PPM1H: variants seen among roughly 807,000 people sequenced by gnomAD.
PPM1H encodes the protein protein phosphatase 1H.
Under a neutral mutation model 54.9 loss-of-function variants are expected in PPM1H, and 27 were observed. The observed-to-expected ratio is 0.49, with a 90% CI of 0.36 to 0.68. The LOEUF (loss-of-function observed/expected upper bound fraction) is 0.68. Among genes scored for constraint, PPM1H ranks in the 30% least tolerant of loss-of-function variants. The pLI is 0.00. For missense variants in PPM1H, 596 were observed against 667.8 expected (o/e 0.89, Z 1.19); for synonymous variants, 305 against 270.8 (o/e 1.13, Z -1.24).
chr12:62,765,333 T>C (rs2076535365), intron 4 of PPM1H, among the ~76,000 whole-genome samples: 1 of 152,094 alleles, frequency 6.6e-6, no homozygotes, highest in Non-Finnish European at 1.5e-5. Context: ...GTGCTGGGCA[T>C]AAGGAGAGTG....
chr12:62,862,590 A>T (rs1869640531), intron 1 of PPM1H, among the ~76,000 whole-genome samples: 1 of 152,228 alleles, frequency 6.6e-6, no homozygotes, highest in East Asian at 1.9e-4. Context: ...ATAAAAAGAA[A>T]TGTAAAAGAA....
At chr12:62,884,010 A>G (rs554916356) in intron 1 of PPM1H, among the ~76,000 whole-genome samples, 2 of 152,250 alleles carry the variant, frequency 1.3e-5, no homozygotes, top group East Asian at 1.9e-4. Flanking sequence ...GAACAAACAG[A>G]CAAAAGAGAT....
intron 8 of PPM1H, among the ~76,000 whole-genome samples, chr12:62,688,348 G>A (rs978821885): frequency 6.6e-6 from 1 of 151,956 alleles, no homozygotes; most frequent in South Asian, 2.1e-4. Context: ...CTGAACCAAC[G>A]CCAGCAGCCA....
At chr12:62,815,570 G>T (rs114027790) in intron 2 of PPM1H, among the ~76,000 whole-genome samples, 2,633 of 152,258 alleles carry the variant, frequency 0.017, 88 homozygotes, top group African/African-American at 0.06. Flanking sequence ...TAAGTACTGT[G>T]AAATAATACT....
intron 5 of PPM1H, among the ~76,000 whole-genome samples, chr12:62,723,498 T>C (rs1380874122): frequency 1.3e-5 from 2 of 152,166 alleles, no homozygotes; most frequent in Non-Finnish European, 2.9e-5. Context: ...GGGAGGTGTT[T>C]AGGCCATGAA....
chr12:62,797,828 G>A (rs2076744748), intron 3 of PPM1H, among the ~76,000 whole-genome samples: 1 of 152,154 alleles, frequency 6.6e-6, no homozygotes, highest in South Asian at 2.1e-4. Context: ...AATCTCTGAT[G>A]ACGCAAAGAA....
intron 2 of PPM1H, among the ~76,000 whole-genome samples, chr12:62,811,408 A>C (rs2076834662): frequency 6.6e-6 from 1 of 152,182 alleles, no homozygotes; most frequent in Non-Finnish European, 1.5e-5. Context: ...CAGGCTGCAC[A>C]TCTGAGCTCC....
chr12:62,926,308 G>T (rs1565831422), intron 1 of PPM1H, among the ~76,000 whole-genome samples: 1 of 151,998 alleles, frequency 6.6e-6, no homozygotes. Flanking sequence ...TAAGACAGTT[G>T]GTATCTAATC....
chr12:62,924,196 G>A (rs934081627), intron 1 of PPM1H, among the ~76,000 whole-genome samples: 2 of 152,062 alleles, frequency 1.3e-5, no homozygotes, highest in African/African-American at 2.4e-5. Flanking sequence ...TTTGTAAGAC[G>A]AAACTGAGGC....
chr12:62,786,547 A>G (rs2076672831), intron 4 of PPM1H, among the ~76,000 whole-genome samples: 1 of 152,174 alleles, frequency 6.6e-6, no homozygotes, highest in Non-Finnish European at 1.5e-5. Context: ...TCCTTCTAAC[A>G]GCTCCTGCCC....
intron 1 of PPM1H, 74 bp from the exon 2 acceptor site, chr12:62,832,353 C>A (rs1868379121): frequency 1.4e-6 from 2 of 1,420,352 alleles, no homozygotes; most frequent in Admixed American, 4.0e-5. Flanking sequence ...CAAGGGTCAG[C>A]CAAGACAGTC....
At chr12:62,864,273 A>C (rs1869700244) in intron 1 of PPM1H, among the ~76,000 whole-genome samples, 1 of 152,244 alleles carries the variant, frequency 6.6e-6, no homozygotes, top group Admixed American at 6.5e-5. Context: ...GCAAGTTTGC[A>C]GTAATAAAGT....
intron 8 of PPM1H, among the ~76,000 whole-genome samples, chr12:62,677,650 C>T (rs957263006): frequency 6.6e-6 from 1 of 152,206 alleles, no homozygotes; most frequent in Non-Finnish European, 1.5e-5. Context: ...GCCTGGCTCA[C>T]TCTTGGCAGG....
At chr12:62,911,570 C>T (rs933689616) in intron 1 of PPM1H, among the ~76,000 whole-genome samples, 2 of 152,210 alleles carry the variant, frequency 1.3e-5, no homozygotes, top group African/African-American at 4.8e-5. Context: ...TGAGCCTCAT[C>T]TTTCAACCCC....
chr12:62,817,325 G>A (rs990328957), intron 2 of PPM1H, among the ~76,000 whole-genome samples: 1 of 151,436 alleles, frequency 6.6e-6, no homozygotes, highest in Admixed American at 6.6e-5. Context: ...AGCCGGGCGT[G>A]GTGGCGGGCG....
At chr12:62,917,478 A>G (rs1468188726) in intron 1 of PPM1H, among the ~76,000 whole-genome samples, 1 of 152,218 alleles carries the variant, frequency 6.6e-6, no homozygotes, top group Non-Finnish European at 1.5e-5. Context: ...TACAAATTAT[A>G]ATTTGGCTGT....
At chr12:62,839,874 C>CA (rs746381032) in intron 1 of PPM1H, among the ~76,000 whole-genome samples, 1,285 of 84,176 alleles carry the variant, frequency 0.015, 20 homozygotes, top group African/African-American at 0.034. Context: ...CCTGTTTCTA[C>CA]AAAAAAAAAA....
At chr12:62,815,196 T>G (rs1018788869) in intron 2 of PPM1H, among the ~76,000 whole-genome samples, 1 of 152,104 alleles carries the variant, frequency 6.6e-6, no homozygotes, top group Admixed American at 6.5e-5. Context: ...TCTTTTTTTT[T>G]GACTAAATTG....
chr12:62,675,588 CAG>C (rs1303043621), intron 8 of PPM1H, among the ~76,000 whole-genome samples: 3 of 152,218 alleles, frequency 2.0e-5, no homozygotes, highest in African/African-American at 4.8e-5. Context: ...GCAGGTGAGG[CAG>C]AGAGTGACCA....
Sources: gnomAD v4.1 joint callset for allele counts (sites outside exome capture counted in the v4.1 genomes callset) on GRCh38, gnomAD v4.1.1 for gene constraint, MANE v1.5 for transcripts, NCBI Gene and HGNC (gene_info 2026-07-23, HGNC 2026-07-21) for gene names.